Variants in PLD5 observed in about 807,000 individuals in gnomAD.
PLD5 encodes phospholipase D family member 5.
A neutral mutation model predicts 61.1 loss-of-function variants in PLD5; 36 were observed. The ratio of observed to expected loss-of-function variants is 0.59; its 90% CI spans 0.45 to 0.78. The LOEUF is 0.78. PLD5 is among the 30% of genes least tolerant of loss of function. PLD5 has a pLI of 0.00. For synonymous variants in PLD5, 243 were observed against 242.8 expected (o/e 1.00, Z -0.01); for missense variants, 515 against 644.4 (o/e 0.80, Z 2.17).
chr1:242,345,585 C>T lies in PLD5; in HGVS notation c.326+2521G>A, dbSNP rs187560929. ...GGAAATGATTGAGGAACTCCAGAAA[C>T]GTTGCATCCACCTGGAGTACCCTCT... On this transcript the variant is annotated intron_variant, in intron 2 of 9. Transcript: ENST00000536534. 3.6e-5 allele frequency: 50 copies of T among 1,398,406 alleles called. No individual in the cohort carries two copies. The African/African-American group carries it at 3.7e-4, about 10-fold the overall frequency. 86.6% of individuals were successfully genotyped at this position (1,398,406 alleles called of 1,614,324 possible). A position where few individuals can be genotyped will look rare whatever the true frequency, so the allele number is the denominator to read the frequency against.
rs533034923 is a variant in PLD5, at chr1:242,247,089, T to C, written c.607+18248A>G. On this transcript the variant is annotated intron_variant, in intron 4 of 9. Coordinates refer to ENST00000536534, the MANE Select transcript of PLD5 (RefSeq NM_001372062.1). Reference sequence around the variant, plus strand: ...AGCTCCGCCTCCCGGGTTCACGCCATTCTCCTGCCTCAGCCTCCCGTGTAG... The same window carrying C: ...AGCTCCGCCTCCCGGGTTCACGCCACTCTCCTGCCTCAGCCTCCCGTGTAG... 2.6e-5 allele frequency among the ~76,000 whole-genome samples: 4 copies of C among 151,012 alleles called. No homozygotes were observed. The South Asian group carries it at 8.4e-4, about 32-fold the overall frequency.
chr1:242,396,154 G>A (rs1182226286), intron 1 of PLD5, among the ~76,000 whole-genome samples: 1 of 152,170 alleles, frequency 6.6e-6, no homozygotes, highest in Non-Finnish European at 1.5e-5. Context: ...AGTGAGTTGA[G>A]AGTGATGGGC....
intron 7 of PLD5, among the ~76,000 whole-genome samples, chr1:242,111,919 T>G (rs1406751370): frequency 6.6e-6 from 1 of 152,248 alleles, no homozygotes; most frequent in Admixed American, 6.5e-5. Context: ...ACATTCATTT[T>G]GTTTTCTCTA....
intron 4 of PLD5, among the ~76,000 whole-genome samples, chr1:242,247,041 T>G (rs992527979): frequency 5.3e-5 from 8 of 150,090 alleles, no homozygotes; most frequent in Non-Finnish European, 8.8e-5. Flanking sequence ...TGGAGTGCAG[T>G]GGCGCGATCT....
In PLD5 at chr1:242,398,857, C is replaced by T. The variant is rs138415606; in HGVS notation, c.190-50615G>A. On this transcript the variant is annotated intron_variant, in intron 1 of 9. Transcript: ENST00000536534. ...TAGACATGGCATGTCACAGAAAGAT[C>T]GGGTGAAAGGCACTGAAATTTCTAT... 1.2e-3 allele frequency among the ~76,000 whole-genome samples: 190 copies of T among 152,184 alleles called. 1 individual carries two copies. The highest frequency in any genetic ancestry group is 4.4e-3 in the African/African-American group (181 of 41,546).
intron 5 of PLD5, among the ~76,000 whole-genome samples, chr1:242,152,716 A>G (rs1414475940): frequency 6.6e-6 from 1 of 152,154 alleles, no homozygotes; most frequent in Non-Finnish European, 1.5e-5. Context: ...GTAGTATTCC[A>G]TGGTGTATAT....
chr1:242,506,570 G>A (rs1404221126), intron 1 of PLD5, among the ~76,000 whole-genome samples: 1 of 152,158 alleles, frequency 6.6e-6, no homozygotes, highest in African/African-American at 2.4e-5. Context: ...CCCAGGCACT[G>A]GTAGAGAGGG....
At chr1:242,134,754 C>T (rs754297668) in intron 5 of PLD5, among the ~76,000 whole-genome samples, 7 of 152,282 alleles carry the variant, frequency 4.6e-5, no homozygotes, top group East Asian at 3.9e-4. Flanking sequence ...CCCACACATA[C>T]GCCACAGCAG....
At chr1:242,326,499 T>C (rs1658794451) in intron 2 of PLD5, among the ~76,000 whole-genome samples, 1 of 152,092 alleles carries the variant, frequency 6.6e-6, no homozygotes, top group Admixed American at 6.5e-5. Flanking sequence ...GAAGATATCA[T>C]TTATTTAAAG....
intron 4 of PLD5, among the ~76,000 whole-genome samples, chr1:242,235,161 T>G (rs1671558167): frequency 6.6e-6 from 1 of 152,178 alleles, no homozygotes; most frequent in African/African-American, 2.4e-5. Flanking sequence ...TATTTAGCAT[T>G]TGTCTTCCTT....
At chr1:242,283,265 G>A (rs1674822358) in intron 3 of PLD5, among the ~76,000 whole-genome samples, 1 of 152,206 alleles carries the variant, frequency 6.6e-6, no homozygotes, top group Admixed American at 6.5e-5. Flanking sequence ...CATCATTCCT[G>A]TTAGTAGCAA....
At chr1:242,411,009 C>T (rs1371148535) in intron 1 of PLD5, among the ~76,000 whole-genome samples, 4 of 151,904 alleles carry the variant, frequency 2.6e-5, no homozygotes, top group Non-Finnish European at 5.9e-5. Flanking sequence ...ATACAAATTT[C>T]TCCAAGATGG....
chr1:242,093,090 T>G (rs1305428612), intron 9 of PLD5, among the ~76,000 whole-genome samples: 1 of 152,194 alleles, frequency 6.6e-6, no homozygotes, highest in African/African-American at 2.4e-5. Flanking sequence ...TGATATAAAT[T>G]AGTGAACTGT....
chr1:242,400,077 A>T (rs764554241), intron 1 of PLD5, among the ~76,000 whole-genome samples: 5 of 152,136 alleles, frequency 3.3e-5, no homozygotes, highest in Non-Finnish European at 7.4e-5. Context: ...GTGAGGCAGG[A>T]GAACCACTTA....
At chr1:242,181,685 A>T (rs1198183877) in intron 5 of PLD5, among the ~76,000 whole-genome samples, 5 of 151,584 alleles carry the variant, frequency 3.3e-5, no homozygotes, top group Non-Finnish European at 5.9e-5. Flanking sequence ...TTGTTTTGAG[A>T]CAGAGTCTCA....
intron 1 of PLD5, among the ~76,000 whole-genome samples, chr1:242,383,718 A>T (rs1662434496): frequency 1.3e-5 from 2 of 152,108 alleles, no homozygotes; most frequent in Non-Finnish European, 2.9e-5. Context: ...AAAAATCAAG[A>T]TTCTTTAATT....
chr1:242,272,710 A>T (rs1674165405), intron 3 of PLD5, among the ~76,000 whole-genome samples: 1 of 152,176 alleles, frequency 6.6e-6, no homozygotes, highest in Non-Finnish European at 1.5e-5. Flanking sequence ...ATAGGTGGGT[A>T]CCTCATAGCA....
chr1:242,503,703 G>C (rs1668630310), intron 1 of PLD5, among the ~76,000 whole-genome samples: 1 of 152,140 alleles, frequency 6.6e-6, no homozygotes, highest in Non-Finnish European at 1.5e-5. Flanking sequence ...TGAGTGCAAT[G>C]GGAAAGAGGC....
intron 5 of PLD5, among the ~76,000 whole-genome samples, chr1:242,174,815 C>T (rs12141512): frequency 0.13 from 19,582 of 151,352 alleles, 1,498 homozygotes; most frequent in Non-Finnish European, 0.17. Context: ...AACCAAACAC[C>T]GCATGTTCTC....
Sources: gnomAD v4.1 joint callset for allele counts (sites outside exome capture counted in the v4.1 genomes callset) on GRCh38, gnomAD v4.1.1 for gene constraint, MANE v1.5 for transcripts, NCBI Gene and HGNC (gene_info 2026-07-23, HGNC 2026-07-21) for gene names.